The following CASR variants were observed in gnomAD, a reference collection of about 807,000 sequenced individuals.
The protein encoded by CASR is calcium sensing receptor, also known as extracellular calcium-sensing receptor.
Under a neutral mutation model 69.1 loss-of-function variants are expected in CASR, and 23 were observed. That is an observed-to-expected ratio of 0.33 (90% CI 0.24 to 0.47). CASR has a LOEUF of 0.47. Among genes scored for constraint, CASR ranks in the 20% least tolerant of loss-of-function variants. CASR has a pLI of 1.00. For missense variants in CASR, 924 were observed against 1,356.1 expected, an observed-to-expected ratio of 0.68 and a Z score of 5.00; for synonymous variants, 541 against 544.7, an observed-to-expected ratio of 0.99 and a Z score of 0.10.
intron 1 of CASR, among the ~76,000 whole-genome samples, chr3:122,214,658 A>G (rs6438712): frequency 0.72 from 110,178 of 152,028 alleles, 40,170 homozygotes; most frequent in Admixed American, 0.82. Context: ...TTTTGTACAT[A>G]AACTGTATAG....
chr3:122,219,771 T>C (rs1321530677), intron 1 of CASR, among the ~76,000 whole-genome samples: 2 of 152,174 alleles, frequency 1.3e-5, no homozygotes, highest in Non-Finnish European at 2.9e-5. Flanking sequence ...GGAGATTTAT[T>C]TGTGGAATAC....
intron 1 of CASR, among the ~76,000 whole-genome samples, chr3:122,236,444 C>T (rs547342686): frequency 1.3e-5 from 2 of 152,206 alleles, no homozygotes; most frequent in Admixed American, 6.5e-5. Context: ...AGACATGTTC[C>T]TTCAAAAATG....
rs201820733 is a variant in CASR at position 122,262,046 on chromosome 3, C to G, written c.1011C>G (p.Val337=). 82 of 1,614,150 alleles carry G rather than the reference C, an allele frequency of 5.1e-5. No homozygotes were observed. The South Asian group carries it at 7.9e-4, about 16-fold the overall frequency. Residue 337 remains valine (V), a synonymous_variant, in exon 4 of 7, where the codon GTC becomes GTG. Coordinates refer to ENST00000639785, the MANE Select transcript of CASR (RefSeq NM_000388.4). ...IPGFREFLKK[V]HPRKSVHNGF... is the part of the protein sequence containing the mutation. ...GCTTCCGGGAATTCCTGAAGAAGGT[C>G]CATCCCAGGAAGTCTGTCCACAATG...
rs368169412 is a variant in CASR, at chr3:122,285,343, G to A, written c.*152G>A. On this transcript the variant is annotated 3_prime_UTR_variant, in exon 7 of 7. Coordinates refer to ENST00000639785, the MANE Select transcript of CASR (RefSeq NM_000388.4). ...TTTAGTCACACCATCTTAAATGACA[G>A]TGAATTGACCCATGTTCCCTTTAAA... The A allele has an allele frequency of 7.2e-6, 5 of 695,646 alleles. No individual in the cohort carries two copies. Among genetic ancestry groups the A allele is most frequent in the African/African-American group, 1.8e-5 (1 of 56,550 alleles). The allele number at this position is 695,646 out of a possible 1,614,324, so 43.1% of individuals were successfully genotyped here.
chr3:122,213,750 A>G (rs1381542374), intron 1 of CASR, among the ~76,000 whole-genome samples: 1 of 152,220 alleles, frequency 6.6e-6, no homozygotes, highest in Non-Finnish European at 1.5e-5. Flanking sequence ...GCCAGTGTCA[A>G]AAAACCTAGC....
intron 5 of CASR, among the ~76,000 whole-genome samples, chr3:122,281,909 C>T (rs912801303): frequency 6.6e-6 from 1 of 152,176 alleles, no homozygotes; most frequent in African/African-American, 2.4e-5. Flanking sequence ...TGTATACACA[C>T]ACACTTTCCC....
intron 1 of CASR, among the ~76,000 whole-genome samples, chr3:122,189,918 A>G (rs999307979): frequency 1.3e-5 from 2 of 152,200 alleles, no homozygotes; most frequent in South Asian, 2.1e-4. Context: ...ATAATTTGAC[A>G]TAAGCTTTTA....
At position 122,290,619 on chromosome 3, in the gene CASR, A is replaced by G. The variant is rs2075004975; in HGVS notation, c.*5428A>G. The G allele has an allele frequency of 6.6e-6, 1 of 152,240 alleles. No individual in the cohort carries two copies. Among genetic ancestry groups the G allele is most frequent in the Non-Finnish European group, 1.5e-5 (1 of 68,034 alleles). The allele number at this position is 152,240 out of a possible 1,614,324, so 9.4% of individuals were successfully genotyped here. On this transcript the variant is annotated 3_prime_UTR_variant, in exon 7 of 7. Transcript: ENST00000639785. Reference sequence around the variant, plus strand: ...GCACAAAATTATAACAGGAAAATAAAGAAAAGAATTTAAAATAAACATGCA... The same window carrying G: ...GCACAAAATTATAACAGGAAAATAAGGAAAAGAATTTAAAATAAACATGCA...
At chr3:122,256,979 G>A (rs975527288) in intron 2 of CASR, 102 bp from the exon 3 acceptor site, 1 of 934,830 alleles carries the variant, frequency 1.1e-6, no homozygotes, top group South Asian at 1.4e-5. Flanking sequence ...AAGCCAGAGA[G>A]TAGTAACAGT....
At chr3:122,220,227 C>G (rs1489749538) in intron 1 of CASR, among the ~76,000 whole-genome samples, 1 of 152,186 alleles carries the variant, frequency 6.6e-6, no homozygotes, top group African/African-American at 2.4e-5. Context: ...CAAAAAACAG[C>G]AGCATACCTC....
At chr3:122,199,458 A>G (rs891110076) in intron 1 of CASR, among the ~76,000 whole-genome samples, 1 of 152,210 alleles carries the variant, frequency 6.6e-6, no homozygotes, top group African/African-American at 2.4e-5. Flanking sequence ...TTTAATGTAA[A>G]TGGAGAAAGT....
intron 4 of CASR, among the ~76,000 whole-genome samples, chr3:122,275,046 G>C (rs1052971061): frequency 6.6e-6 from 1 of 152,138 alleles, no homozygotes; most frequent in Non-Finnish European, 1.5e-5. Context: ...AGTTTCCCCA[G>C]AAATAAAATA....
chr3:122,252,409 A>AGGAAAAAGAAAAGAAAGAAAGAAAG (rs1553765626), intron 1 of CASR, among the ~76,000 whole-genome samples: 1 of 6,482 alleles, frequency 1.5e-4, no homozygotes, highest in African/African-American at 5.8e-4. Context: ...GAAGGAAGGA[A>AGGAAAAAGAAAAGAAAGAAAGAAAG]AAAGAAAGAA....
chr3:122,274,763 A>T (rs2107642566), intron 4 of CASR, among the ~76,000 whole-genome samples: 1 of 152,228 alleles, frequency 6.6e-6, no homozygotes, highest in African/African-American at 2.4e-5. Context: ...ATTAGCTCAG[A>T]ATGGGAGACT....
At position 122,261,901 on chromosome 3, in the gene CASR, C is replaced by A. The variant is rs755840531; in HGVS notation, c.866C>A (p.Thr289Lys). ...LIKEIVRRNI[T>K]GKIWLASEAW... ...AAGGAGATTGTCCGGCGCAATATCA[C>A]GGGCAAGATCTGGCTGGCCAGCGAG... The change falls in exon 4 of 7, where the codon ACG (threonine) becomes AAG (lysine). Residue 289 changes from threonine to lysine, a missense_variant. Physicochemically the swap from Thr to Lys is moderately conservative, Grantham distance 78. Coordinates refer to ENST00000639785, the MANE Select transcript of CASR (RefSeq NM_000388.4). 1.2e-6 allele frequency: 2 copies of A among 1,614,090 alleles called. No homozygotes were observed. The highest frequency in any genetic ancestry group is 1.7e-6 in the Non-Finnish European group (2 of 1,180,038).
chr3:122,258,465 T>C (rs1205970164), intron 3 of CASR, among the ~76,000 whole-genome samples: 1 of 151,492 alleles, frequency 6.6e-6, no homozygotes, highest in Non-Finnish European at 1.5e-5. Flanking sequence ...GAATTAAAGG[T>C]GTTTCCCATG....
intron 1 of CASR, among the ~76,000 whole-genome samples, chr3:122,230,222 T>A (rs2074265902): frequency 6.6e-6 from 1 of 152,216 alleles, no homozygotes; most frequent in Admixed American, 6.5e-5. Flanking sequence ...CGGCAGCTGT[T>A]TGAAGGAGTC....
intron 1 of CASR, among the ~76,000 whole-genome samples, chr3:122,223,305 C>T (rs1422757664): frequency 6.6e-6 from 1 of 151,930 alleles, no homozygotes; most frequent in African/African-American, 2.4e-5. Flanking sequence ...AGGCCACTAG[C>T]TAGATTAATA....
rs1060502843 is a variant in CASR at position 122,261,891 on chromosome 3, C to A, written c.856C>A (p.Arg286Ser). The change falls in exon 4 of 7, where the codon CGC becomes AGC. Residue 286 changes from arginine (R) to serine (S), a missense_variant. Around this residue, in one of 8 missense-constraint regions of CASR, gnomAD observed 310 missense variants for 395.7 expected, o/e 0.78. Transcript: ENST00000639785. Reference protein sequence around the residue: ...LEPLIKEIVRRNITGKIWLAS... With the variant: ...LEPLIKEIVRSNITGKIWLAS... ...GCCCCTCATCAAGGAGATTGTCCGG[C>A]GCAATATCACGGGCAAGATCTGGCT... 1 of 1,614,194 alleles carries A rather than the reference C, an allele frequency of 6.2e-7. No individual in the cohort carries two copies.
Sources: gnomAD v4.1 joint callset for allele counts (sites outside exome capture counted in the v4.1 genomes callset) on GRCh38, gnomAD v4.1.1 for gene constraint, gnomAD v4.1.1 regional missense constraint, MANE v1.5 for transcripts, NCBI Gene and HGNC (gene_info 2026-07-23, HGNC 2026-07-21) for gene names.